FBXL17: variants seen among roughly 807,000 people sequenced by gnomAD.
FBXL17 encodes the protein F-box/LRR-repeat protein 17.
FBXL17 carries 22 observed loss-of-function variants against 66.2 expected under a neutral mutation model. The ratio of observed to expected loss-of-function variants is 0.33; its 90% CI spans 0.24 to 0.47. The LOEUF (loss-of-function observed/expected upper bound fraction) is 0.47, where lower values mean the gene tolerates loss of function less well. Ranked by LOEUF, FBXL17 falls within the 20% of genes least tolerant of loss-of-function variation. FBXL17 has a pLI of 1.00. For synonymous variants in FBXL17, 474 were observed against 400.5 expected (o/e 1.18, Z -2.19); for missense variants, 878 against 948.2 (o/e 0.93, Z 0.97).
chr5:108,213,229 C>A (rs1365754031), intron 5 of FBXL17, among the ~76,000 whole-genome samples: 2 of 152,128 alleles, frequency 1.3e-5, no homozygotes, highest in Admixed American at 6.5e-5. Context: ...TTGCTGGGCT[C>A]CATGGGAGTG....
intron 4 of FBXL17, among the ~76,000 whole-genome samples, chr5:108,235,619 C>T (rs1378195256): frequency 6.6e-6 from 1 of 152,180 alleles, no homozygotes; most frequent in Non-Finnish European, 1.5e-5. Flanking sequence ...TCAAAATCCT[C>T]CAGTGGTACT....
chr5:107,994,966 G>C (rs1468749947), intron 7 of FBXL17, among the ~76,000 whole-genome samples: 1 of 152,168 alleles, frequency 6.6e-6, no homozygotes, highest in Non-Finnish European at 1.5e-5. Context: ...AATGATACTG[G>C]TTACCCTCGG....
intron 8 of FBXL17, among the ~76,000 whole-genome samples, chr5:107,875,817 C>T (rs1363656984): frequency 1.3e-5 from 2 of 152,112 alleles, no homozygotes; most frequent in Admixed American, 6.6e-5. Flanking sequence ...TGAATTAATT[C>T]GATTATTTTC....
intron 5 of FBXL17, among the ~76,000 whole-genome samples, chr5:108,212,665 C>T (rs535544132): frequency 1.2e-4 from 19 of 152,272 alleles, no homozygotes; most frequent in African/African-American, 2.9e-4. Flanking sequence ...CAAAGATTGC[C>T]GCCTGATCTT....
At chr5:108,060,969 G>A (rs1747897154) in intron 6 of FBXL17, among the ~76,000 whole-genome samples, 1 of 152,058 alleles carries the variant, frequency 6.6e-6, no homozygotes, top group African/African-American at 2.4e-5. Flanking sequence ...TTGCCAGCAA[G>A]ATGATCTGGG....
intron 4 of FBXL17, among the ~76,000 whole-genome samples, chr5:108,303,361 A>AACAC (rs58495859): frequency 0.021 from 2,977 of 141,958 alleles, 87 homozygotes; most frequent in African/African-American, 0.068. Context: ...CACAGGCATA[A>AACAC]ACACACACAC....
intron 5 of FBXL17, among the ~76,000 whole-genome samples, chr5:108,197,442 C>T (rs982152879): frequency 6.6e-6 from 1 of 152,106 alleles, no homozygotes; most frequent in African/African-American, 2.4e-5. Flanking sequence ...CACAAAATTT[C>T]GAACCAATTT....
At chr5:108,052,190 T>C (rs1747512591) in intron 6 of FBXL17, among the ~76,000 whole-genome samples, 1 of 150,176 alleles carries the variant, frequency 6.7e-6, no homozygotes, top group Non-Finnish European at 1.5e-5. Context: ...CAACATAGTA[T>C]TGGAAGTTCT....
intron 6 of FBXL17, among the ~76,000 whole-genome samples, chr5:108,065,302 C>T (rs868219869): frequency 7.2e-5 from 11 of 152,116 alleles, no homozygotes; most frequent in South Asian, 4.1e-4. Context: ...TTAACATGTA[C>T]GTAGGACATA....
intron 4 of FBXL17, among the ~76,000 whole-genome samples, chr5:108,317,525 A>T (rs1263319635): frequency 2.0e-5 from 3 of 151,262 alleles, no homozygotes; most frequent in Non-Finnish European, 3.0e-5. Flanking sequence ...GGAGATTTTT[A>T]AAAATAGTAT....
At chr5:107,884,018 A>G (rs1386886920) in intron 7 of FBXL17, among the ~76,000 whole-genome samples, 1 of 152,216 alleles carries the variant, frequency 6.6e-6, no homozygotes, top group Non-Finnish European at 1.5e-5. Flanking sequence ...AACAAGTACA[A>G]GAAAGTGGGA....
chr5:108,014,172 T>C (rs562033479), intron 7 of FBXL17, among the ~76,000 whole-genome samples: 12 of 152,242 alleles, frequency 7.9e-5, no homozygotes, highest in Non-Finnish European at 1.6e-4. Flanking sequence ...TAGAAGACTG[T>C]TTCAAAGACT....
intron 4 of FBXL17, among the ~76,000 whole-genome samples, chr5:108,321,301 G>A (rs1002318176): frequency 6.6e-6 from 1 of 151,804 alleles, no homozygotes; most frequent in Non-Finnish European, 1.5e-5. Flanking sequence ...TATGGGTAGA[G>A]GTAAATTCAC....
intron 6 of FBXL17, among the ~76,000 whole-genome samples, chr5:108,123,346 C>CA (rs1750577693): frequency 2.6e-5 from 4 of 152,020 alleles, no homozygotes; most frequent in Admixed American, 1.3e-4. Flanking sequence ...CTCTTGAAAG[C>CA]AAGATCGAGC....
chr5:108,129,089 C>T (rs1263321472), intron 6 of FBXL17, among the ~76,000 whole-genome samples: 1 of 152,066 alleles, frequency 6.6e-6, no homozygotes, highest in African/African-American at 2.4e-5. Flanking sequence ...ATTCAACAGT[C>T]TTGACTATCA....
chr5:107,885,549 T>C lies in FBXL17; in HGVS notation c.1823-4370A>G, dbSNP rs180986950. On this transcript the variant is annotated intron_variant, in intron 7 of 8. Transcript: ENST00000542267. The stretch of plus-strand genomic sequence containing the variant: ...GGAGAGTGCTCGAATAACTATGCTA[T>C]AACCACACAACTGAATAATACTATG... 3.0e-3 allele frequency among the ~76,000 whole-genome samples: 451 copies of C among 152,292 alleles called. 4 individuals carry two copies. The highest frequency in any genetic ancestry group is 0.01 in the Middle Eastern group (3 of 294).
rs140434014 is a variant in FBXL17 at position 108,321,194 on chromosome 5, T to C, written c.1506+27205A>G. 7.9e-3 allele frequency among the ~76,000 whole-genome samples: 1,195 copies of C among 151,984 alleles called. 18 individuals carry two copies. The highest frequency in any genetic ancestry group is 0.027 in the African/African-American group (1,106 of 41,524). ...ACATGCACTTATTGCTGTAGTATGT[T>C]CAAATCCAAGCAAATGTTCACATTT... On this transcript the variant is annotated intron_variant, in intron 4 of 8. Coordinates refer to ENST00000542267, the MANE Select transcript of FBXL17 (RefSeq NM_001163315.3).
intron 6 of FBXL17, among the ~76,000 whole-genome samples, chr5:108,089,631 C>G (rs896138864): frequency 6.6e-6 from 1 of 152,098 alleles, no homozygotes; most frequent in Non-Finnish European, 1.5e-5. Context: ...TTTGAGAAAC[C>G]TCCTTCTTCC....
chr5:108,201,063 A>C (rs1222058784), intron 5 of FBXL17, among the ~76,000 whole-genome samples: 4 of 152,184 alleles, frequency 2.6e-5, no homozygotes, highest in African/African-American at 9.7e-5. Flanking sequence ...TCTCATAAAT[A>C]ACTAACTTCT....
Sources: gnomAD v4.1 joint callset for allele counts (sites outside exome capture counted in the v4.1 genomes callset) on GRCh38, gnomAD v4.1.1 for gene constraint, MANE v1.5 for transcripts, NCBI Gene and HGNC (gene_info 2026-07-23, HGNC 2026-07-21) for gene names.